MCPH1: variants seen among roughly 807,000 people sequenced by gnomAD.
MCPH1 encodes the protein microcephalin.
A neutral mutation model predicts 84.5 loss-of-function variants in MCPH1; 104 were observed. The observed-to-expected ratio is 1.23, with a 90% CI of 1.05 to 1.45. The LOEUF is 1.45. MCPH1 is among the 40% of genes most tolerant of loss of function. MCPH1 has a pLI of 0.00. For missense variants in MCPH1, 1,498 were observed against 1,005.7 expected (o/e 1.49, Z -6.62); for synonymous variants, 514 against 366.8 (o/e 1.40, Z -4.58).
In MCPH1 at chr8:6,465,924, G is replaced by GATCCATCCATCCATCC. The variant is rs202202756; in HGVS notation, c.1935+10679_1935+10694dup. ...TATTTCCTACTCAATTTTATCTATC[G>GATCCATCCATCCATCC]ATCCATCCATCCATCCATCCATGCA... is the stretch of plus-strand genomic sequence containing the variant. On this transcript the variant is annotated intron_variant, in intron 9 of 13. Transcript: ENST00000344683. Among the ~76,000 whole-genome samples, 276 of 148,348 alleles carry GATCCATCCATCCATCC rather than the reference G, an allele frequency of 1.9e-3. 4 individuals are homozygous for GATCCATCCATCCATCC. The highest frequency in any genetic ancestry group is 3.4e-3 in the Middle Eastern group (1 of 292).
chr8:6,524,272 C>T (rs1399738789), intron 12 of MCPH1, among the ~76,000 whole-genome samples: 1 of 152,090 alleles, frequency 6.6e-6, no homozygotes, highest in African/African-American at 2.4e-5. Context: ...CTTTATGTTT[C>T]AGAATTATTT....
At chr8:6,630,202 C>G in intron 13 of MCPH1, among the ~76,000 whole-genome samples, 1 of 152,138 alleles carries the variant, frequency 6.6e-6, no homozygotes, top group South Asian at 2.1e-4. Flanking sequence ...TAGCAAAAAA[C>G]TGACTTCTTT....
At chr8:6,530,713 G>C (rs1819333369) in intron 12 of MCPH1, among the ~76,000 whole-genome samples, 1 of 152,040 alleles carries the variant, frequency 6.6e-6, no homozygotes, top group Non-Finnish European at 1.5e-5. Flanking sequence ...TGATATTGTG[G>C]AAAGACCTGG....
At position 6,564,118 on chromosome 8, in the gene MCPH1, A is replaced by G. The variant is rs1825931811; in HGVS notation, c.2215-57336A>G. On this transcript the variant is annotated intron_variant, in intron 12 of 13. Transcript: ENST00000344683. The stretch of plus-strand genomic sequence containing the variant: ...TGCCTCAGGCTCCTGAGCAGCTGGG[A>G]TTACAGGCAAACGCCACCACACCCG... 6.6e-5 allele frequency among the ~76,000 whole-genome samples: 10 copies of G among 151,196 alleles called. No homozygotes were observed. The South Asian group carries it at 2.1e-3, about 32-fold the overall frequency.
At chr8:6,610,989 T>A (rs1830206372) in intron 12 of MCPH1, among the ~76,000 whole-genome samples, 1 of 152,150 alleles carries the variant, frequency 6.6e-6, no homozygotes, top group Admixed American at 6.6e-5. Context: ...TACTCAGATG[T>A]CTCCCAGACC....
At chr8:6,615,374 C>A (rs112283002) in intron 12 of MCPH1, among the ~76,000 whole-genome samples, 19 of 152,316 alleles carry the variant, frequency 1.2e-4, no homozygotes, top group African/African-American at 4.6e-4. Context: ...TGCATTTTTG[C>A]ATCCTCAGAA....
intron 8 of MCPH1, among the ~76,000 whole-genome samples, chr8:6,448,674 G>T (rs568248045): frequency 5.9e-5 from 9 of 152,258 alleles, no homozygotes; most frequent in East Asian, 5.8e-4. Context: ...TATTTTAAGA[G>T]AATTTTTTGC....
chr8:6,426,829 T>C (rs1012738755), intron 3 of MCPH1, among the ~76,000 whole-genome samples: 5 of 152,218 alleles, frequency 3.3e-5, no homozygotes, highest in African/African-American at 1.2e-4. Flanking sequence ...TTCATGGTTT[T>C]TTTTTTCCCA....
chr8:6,422,711 C>CT (rs1188107244), intron 3 of MCPH1, among the ~76,000 whole-genome samples: 1 of 152,206 alleles, frequency 6.6e-6, no homozygotes, highest in Non-Finnish European at 1.5e-5. Flanking sequence ...TTTCTGGAGA[C>CT]TGAGTCTCAC....
At chr8:6,588,809 C>T (rs895796099) in intron 12 of MCPH1, among the ~76,000 whole-genome samples, 4 of 152,250 alleles carry the variant, frequency 2.6e-5, no homozygotes, top group Non-Finnish European at 4.4e-5. Context: ...ACCAGCTGCC[C>T]TTGGGCCAGG....
chr8:6,515,360 G>C (rs567069265), intron 12 of MCPH1, among the ~76,000 whole-genome samples: 2 of 152,138 alleles, frequency 1.3e-5, no homozygotes, highest in African/African-American at 2.4e-5. Flanking sequence ...CTGAGCACAA[G>C]GGCCTTGAGG....
At chr8:6,620,297 A>G (rs546329483) in intron 12 of MCPH1, 1 of 152,328 alleles carries the variant, frequency 6.6e-6, no homozygotes, top group East Asian at 1.9e-4. Context: ...GATCTACTCC[A>G]TTGATGCTGG....
intron 13 of MCPH1, among the ~76,000 whole-genome samples, chr8:6,639,144 G>A (rs758149518): frequency 1.5e-4 from 23 of 152,300 alleles, no homozygotes; most frequent in Non-Finnish European, 2.8e-4. Context: ...TGGATGGAAG[G>A]ATACATGCGT....
chr8:6,559,855 A>G (rs1333356497), intron 12 of MCPH1, among the ~76,000 whole-genome samples: 2 of 152,218 alleles, frequency 1.3e-5, no homozygotes, highest in African/African-American at 4.8e-5. Context: ...TGTGCTAGCG[A>G]TCATGAGTTT....
chr8:6,444,287 T>C, intron 7 of MCPH1, 106 bp from the exon 8 acceptor site: 1 of 1,314,818 alleles, frequency 7.6e-7, no homozygotes, highest in Non-Finnish European at 1.1e-6. Context: ...ATAGTCTTCT[T>C]AACTAATAGC....
intron 3 of MCPH1, among the ~76,000 whole-genome samples, chr8:6,418,740 C>G (rs182862107): frequency 3.0e-4 from 45 of 152,304 alleles, no homozygotes; most frequent in African/African-American, 1.1e-3. Context: ...TGCCACCACG[C>G]CCAGCTAATT....
intron 12 of MCPH1, among the ~76,000 whole-genome samples, chr8:6,532,177 A>G (rs1016669293): frequency 3.9e-5 from 6 of 152,204 alleles, no homozygotes; most frequent in Non-Finnish European, 8.8e-5. Context: ...ATTCATAAGC[A>G]GCCATACATC....
In MCPH1 at chr8:6,444,381, A is replaced by T; in HGVS notation, c.671-12A>T. On this transcript the variant is annotated splice_polypyrimidine_tract_variant and intron_variant, in intron 7 of 13. Coordinates refer to ENST00000344683, the MANE Select transcript of MCPH1 (RefSeq NM_024596.5). ...CACTTTTAAAAGTTAGCTCTCCGTT[A>T]ATGTTTTCCAGATGAATACTTTGCT... is the stretch of plus-strand genomic sequence containing the variant. 2.5e-6 allele frequency: 4 copies of T among 1,613,984 alleles called. No individual in the cohort carries two copies. Among genetic ancestry groups the T allele is most frequent in the Non-Finnish European group, 3.4e-6 (4 of 1,179,982 alleles).
At chr8:6,579,292 C>T (rs897122612) in intron 12 of MCPH1, among the ~76,000 whole-genome samples, 1 of 152,206 alleles carries the variant, frequency 6.6e-6, no homozygotes, top group Non-Finnish European at 1.5e-5. Context: ...CGCCCCCTTT[C>T]CCGGTCCCCT....
Sources: gnomAD v4.1 joint callset for allele counts (sites outside exome capture counted in the v4.1 genomes callset) on GRCh38, gnomAD v4.1.1 for gene constraint, MANE v1.5 for transcripts, NCBI Gene and HGNC (gene_info 2026-07-23, HGNC 2026-07-21) for gene names.